The following LAMA3 variants were observed in gnomAD, a reference collection of about 807,000 sequenced individuals.
The protein encoded by LAMA3 is laminin subunit alpha 3.
Under a neutral mutation model 402.0 loss-of-function variants are expected in LAMA3, and 281 were observed. The ratio of observed to expected loss-of-function variants is 0.70; its 90% CI spans 0.63 to 0.77. The LOEUF is 0.77. Among genes scored for constraint, LAMA3 ranks in the 30% least tolerant of loss-of-function variants. The pLI is 0.00. For synonymous variants in LAMA3, 1,431 were observed against 1,558.4 expected (o/e 0.92, Z 1.93); for missense variants, 3,840 against 4,215.5 (o/e 0.91, Z 2.47).
At chr18:23,708,672 C>G (rs1281654874) in intron 1 of LAMA3, among the ~76,000 whole-genome samples, 3 of 152,140 alleles carry the variant, frequency 2.0e-5, no homozygotes, top group Non-Finnish European at 4.4e-5. Context: ...AATGTCACAT[C>G]CAGCTACCTT....
rs1410358900 is a variant in LAMA3, at chr18:23,751,034, G to A, written c.801G>A (p.Thr267=). 1.2e-6 allele frequency: 2 copies of A among 1,614,028 alleles called. No homozygotes were observed. The highest frequency in any genetic ancestry group is 1.7e-5 in the Admixed American group (1 of 60,010). Residue 267 remains threonine (T), a synonymous_variant, in exon 5 of 75, where the codon ACG becomes ACA. Transcript: ENST00000313654. The part of the protein sequence containing the change: ...NIRLRFLRTN[T]LLGHLISKAQ... ...GCTTGCGTTTTCTTAGAACCAATAC[G>A]CTTCTTGGACACCTCATCTCCAAAG...
rs200377273 is a variant in LAMA3 at position 23,907,623 on chromosome 18, C to T, written c.6792C>T (p.Thr2264=). 1.2e-6 allele frequency: 2 copies of T among 1,613,892 alleles called. No homozygotes were observed. The highest frequency in any genetic ancestry group is 4.5e-5 in the East Asian group (2 of 44,890). Reference sequence around the variant, plus strand: ...CAGTTCAGAAAGAAGTGATAGACACCAATCTCACAACTCTCCGAGATGGTC... The same window carrying T: ...CAGTTCAGAAAGAAGTGATAGACACTAATCTCACAACTCTCCGAGATGGTC... ...IVTVQKEVID[T]NLTTLRDGLH... Residue 2264 remains threonine (T), a synonymous_variant, in exon 53 of 75, where the codon ACC becomes ACT. Coordinates refer to ENST00000313654, the MANE Select transcript of LAMA3 (RefSeq NM_198129.4).
chr18:23,698,194 T>C (rs373772390), intron 1 of LAMA3, among the ~76,000 whole-genome samples: 2 of 149,344 alleles, frequency 1.3e-5, no homozygotes, highest in East Asian at 2.0e-4. Flanking sequence ...CCTGTTTCTC[T>C]TCTTCTTCTT....
At chr18:23,897,069 A>C (rs2080899445) in intron 44 of LAMA3, among the ~76,000 whole-genome samples, 1 of 152,270 alleles carries the variant, frequency 6.6e-6, no homozygotes, top group Non-Finnish European at 1.5e-5. Context: ...AGAAGGAACA[A>C]GAAATTAGGA....
rs2064313547 is a variant in LAMA3 at position 23,864,826 on chromosome 18, C to T, written c.4626C>T (p.Ser1542=). 9 of 1,613,590 alleles carry T rather than the reference C, an allele frequency of 5.6e-6. No individual in the cohort carries two copies. Among genetic ancestry groups the T allele is most frequent in the Non-Finnish European group, 7.6e-6 (9 of 1,179,692 alleles). Residue 1542 remains serine (S), a synonymous_variant, in exon 36 of 75, where the codon TCC becomes TCT. Transcript: ENST00000313654. ...YGGYLTYQAK[S]FGLPGDMVLL... is the part of the protein sequence containing the mutation. Reference sequence around the variant, plus strand: ...GTTACCTCACTTACCAAGCCAAGTCCTTTGGCTTGCCTGGCGACATGGTTC... The same window carrying T: ...GTTACCTCACTTACCAAGCCAAGTCTTTTGGCTTGCCTGGCGACATGGTTC...
intron 2 of LAMA3, among the ~76,000 whole-genome samples, chr18:23,717,365 A>C (rs2061119872): frequency 6.6e-6 from 1 of 152,138 alleles, no homozygotes; most frequent in Admixed American, 6.5e-5. Flanking sequence ...TAAATTTGTT[A>C]CTACAAAATC....
chr18:23,943,929 G>T lies in LAMA3; in HGVS notation c.9168G>T (p.Arg3056Ser). Residue 3056 changes from arginine to serine, a missense_variant, in exon 69 of 75, where the codon AGG becomes AGT. Around this residue, in one of 3 missense-constraint regions of LAMA3, gnomAD observed 840 missense variants for 981.9 expected, o/e 0.86. Coordinates refer to ENST00000313654, the MANE Select transcript of LAMA3 (RefSeq NM_198129.4). The stretch of plus-strand genomic sequence containing the variant: ...TGGGGACAGATGGGAAAAAATTGAG[G>T]ATCAAAAGCAAGGAGAAATGCAATG... ...FALGTDGKKLRIKSKEKCNDG... is the reference protein window; with the variant it reads ...FALGTDGKKLSIKSKEKCNDG... 6.2e-7 allele frequency: 1 copy of T among 1,614,104 alleles called. No homozygotes were observed. Among genetic ancestry groups the T allele is most frequent in the South Asian group, 1.1e-5 (1 of 91,072 alleles).
rs144803424 is a variant in LAMA3 at position 23,748,198 on chromosome 18, G to T, written c.565+138G>T. ...AATCCCAGCATTTTGGAAGGCCAAG[G>T]CGGGTGGATTACCTGAGGTCAGGAG... is the stretch of plus-strand genomic sequence containing the variant. On this transcript the variant is annotated intron_variant, in intron 3 of 74. Coordinates refer to ENST00000313654, the MANE Select transcript of LAMA3 (RefSeq NM_198129.4). The T allele has an allele frequency of 4.5e-3, 3,131 of 697,126 alleles. 13 individuals carry two copies. Among genetic ancestry groups the T allele is most frequent in the Non-Finnish European group, 5.7e-3 (2,175 of 383,790 alleles). The allele number at this position is 697,126 out of a possible 1,614,324, so 43.2% of individuals were successfully genotyped here. A position where few individuals can be genotyped will look rare whatever the true frequency, so the allele number is the denominator to read the frequency against.
intron 50 of LAMA3, 29 bp downstream of exon 50, chr18:23,904,116 G>A (rs1431738696): frequency 4.5e-5 from 72 of 1,612,106 alleles, no homozygotes; most frequent in Non-Finnish European, 6.1e-5. Context: ...AGACCAGAAG[G>A]GCACGTGGGC....
At position 23,746,391 on chromosome 18, in the gene LAMA3, G is replaced by A. The variant is rs561351708; in HGVS notation, c.448-1552G>A. ...TGAGGGTCCCCAAGACCTTTTGGGA[G>A]GTCTACAAGGCCAGGGGTCCTCCTT... On this transcript the variant is annotated intron_variant, in intron 2 of 74. Coordinates refer to ENST00000313654, the MANE Select transcript of LAMA3 (RefSeq NM_198129.4). 5.9e-5 allele frequency among the ~76,000 whole-genome samples: 9 copies of A among 152,264 alleles called. No homozygotes were observed. The East Asian group carries it at 1.7e-3, about 29-fold the overall frequency.
chr18:23,829,909 C>A (rs1274459693), intron 23 of LAMA3, among the ~76,000 whole-genome samples: 1 of 152,160 alleles, frequency 6.6e-6, no homozygotes, highest in Non-Finnish European at 1.5e-5. Flanking sequence ...AATCCATAAC[C>A]CAGGAGGCAG....
chr18:23,697,907 C>A (rs1030914915), intron 1 of LAMA3, among the ~76,000 whole-genome samples: 6 of 151,906 alleles, frequency 3.9e-5, no homozygotes, highest in Non-Finnish European at 8.8e-5. Flanking sequence ...CTGCTGAGGC[C>A]TCTCTCCTTA....
At position 23,921,475 on chromosome 18, in the gene LAMA3, C is replaced by T; in HGVS notation, c.8067C>T (p.Leu2689=). Residue 2689 remains leucine (L), a synonymous_variant, in exon 62 of 75, where the codon CTC becomes CTT. Transcript: ENST00000313654. ...DHSIQIKIGK[L]QKRMWINVDV... Reference sequence around the variant, plus strand: ...AGATTCAGATCAAAATTGGAAAACTCCAAAAGCGTATGTGGATAAATGTGG... The same window carrying T: ...AGATTCAGATCAAAATTGGAAAACTTCAAAAGCGTATGTGGATAAATGTGG... 1.2e-6 allele frequency: 2 copies of T among 1,613,370 alleles called. No homozygotes were observed. The highest frequency in any genetic ancestry group is 2.2e-5 in the East Asian group (1 of 44,844).
chr18:23,736,234 C>T (rs550061036), intron 2 of LAMA3, among the ~76,000 whole-genome samples: 1 of 150,454 alleles, frequency 6.6e-6, no homozygotes, highest in Non-Finnish European at 1.5e-5. Context: ...ATATGAAGTG[C>T]TTTTTTAATG....
intron 6 of LAMA3, among the ~76,000 whole-genome samples, chr18:23,756,317 T>C (rs1315970660): frequency 1.3e-5 from 2 of 151,950 alleles, no homozygotes; most frequent in African/African-American, 4.8e-5. Context: ...CTGTTGTTCT[T>C]TTAATAGTCT....
At chr18:23,787,974 C>T (rs1233784492) in intron 12 of LAMA3, among the ~76,000 whole-genome samples, 1 of 151,934 alleles carries the variant, frequency 6.6e-6, no homozygotes, top group Non-Finnish European at 1.5e-5. Context: ...TATACAAATA[C>T]ATACATACAT....
intron 8 of LAMA3, among the ~76,000 whole-genome samples, chr18:23,767,880 G>C (rs1273821783): frequency 6.6e-6 from 1 of 152,018 alleles, no homozygotes; most frequent in East Asian, 1.9e-4. Flanking sequence ...GCAAGGAAAG[G>C]TCTTTCTATT....
chr18:23,939,501 A>G (rs1388421460), intron 68 of LAMA3, 115 bp downstream of exon 68: 6 of 1,145,226 alleles, frequency 5.2e-6, no homozygotes, highest in South Asian at 3.7e-5. Flanking sequence ...AGGTGGCACT[A>G]CCATTTTTGT....
intron 69 of LAMA3, among the ~76,000 whole-genome samples, chr18:23,945,006 A>ATG (rs2082656730): frequency 3.9e-5 from 6 of 152,050 alleles, no homozygotes; most frequent in Non-Finnish European, 5.9e-5. Flanking sequence ...GGTGGCATGC[A>ATG]CCTGTAATCC....
Sources: allele counts gnomAD v4.1 joint callset (sites outside exome capture counted in the v4.1 genomes callset), GRCh38; gene constraint gnomAD v4.1.1; regional missense constraint gnomAD v4.1.1; transcripts MANE v1.5; gene names NCBI Gene and HGNC (gene_info 2026-07-23, HGNC 2026-07-21).